The following KTN1 variants were observed in gnomAD, a reference collection of about 807,000 sequenced individuals.
The protein encoded by KTN1 is kinectin.
KTN1 carries 130 observed loss-of-function variants against 222.5 expected under a neutral mutation model. The observed-to-expected ratio is 0.58, with a 90% CI of 0.51 to 0.68. KTN1 has a LOEUF of 0.68. Ranked by LOEUF, KTN1 falls within the 30% of genes least tolerant of loss-of-function variation. KTN1 has a pLI of 0.00. For synonymous variants in KTN1, 512 were observed against 496.3 expected, an observed-to-expected ratio of 1.03 and a Z score of -0.42; for missense variants, 1,508 against 1,500.4, an observed-to-expected ratio of 1.01 and a Z score of -0.08.
At position 55,631,341 on chromosome 14, in the gene KTN1, G is replaced by GAGATAGATATATATATATATAT. The variant is rs71448461; in HGVS notation, c.1221+1245_1221+1246insGATAGATATATATATATATATA. 5.6e-4 allele frequency among the ~76,000 whole-genome samples: 64 copies of GAGATAGATATATATATATATAT among 114,690 alleles called. 1 individual carries two copies. The highest frequency in any genetic ancestry group is 8.5e-4 in the Non-Finnish European group (49 of 57,830). 75.2% of individuals were successfully genotyped at this position (114,690 alleles called of 152,430 possible). On this transcript the variant is annotated intron_variant, in intron 7 of 43. Coordinates refer to ENST00000395314, the MANE Select transcript of KTN1 (RefSeq NM_001079521.2). ...CTAAAACTCACCTATTGATAAGGTTGATATATATATATATATATATATATA... is the reference window on the plus strand; with the variant it reads ...CTAAAACTCACCTATTGATAAGGTTGAGATAGATATATATATATATATATATATATATATATATATATATATA...
chr14:55,673,309 G>T, intron 40 of KTN1, 54 bp downstream of exon 40: 1 of 1,141,038 alleles, frequency 8.8e-7, no homozygotes, highest in South Asian at 1.3e-5. Flanking sequence ...ACACTTTATT[G>T]ACATGTGGAG....
At chr14:55,679,999 T>C (rs1250274888) in intron 43 of KTN1, 6 of 277,452 alleles carry the variant, frequency 2.2e-5, no homozygotes, top group Non-Finnish European at 4.0e-5. Context: ...TATTCTGTTC[T>C]TAGTTTAGAG....
At chr14:55,623,312 ATGATAAATG>A (rs1275720550) in intron 5 of KTN1, among the ~76,000 whole-genome samples, 1 of 152,278 alleles carries the variant, frequency 6.6e-6, no homozygotes, top group Non-Finnish European at 1.5e-5. Flanking sequence ...ATCAGTAAAT[ATGATAAATG>A]TGACTTTAAA....
At chr14:55,622,424 C>T (rs1311892180) in intron 5 of KTN1, among the ~76,000 whole-genome samples, 2 of 152,144 alleles carry the variant, frequency 1.3e-5, no homozygotes, top group Admixed American at 6.5e-5. Flanking sequence ...ATAAAAACCC[C>T]ATGCAGCCAA....
chr14:55,634,466 G>T (rs1000929676), intron 8 of KTN1, 60 bp from the exon 9 acceptor site: 69 of 1,462,014 alleles, frequency 4.7e-5, no homozygotes, highest in Non-Finnish European at 6.1e-5. Context: ...AGTATGTTTT[G>T]TTTATTTCTT....
intron 5 of KTN1, among the ~76,000 whole-genome samples, chr14:55,622,833 T>C (rs971667542): frequency 6.6e-6 from 1 of 152,226 alleles, no homozygotes; most frequent in Non-Finnish European, 1.5e-5. Context: ...TTGGTGTTTT[T>C]CTCTTTTGTA....
intron 6 of KTN1, among the ~76,000 whole-genome samples, chr14:55,628,804 A>G (rs1024210567): frequency 6.6e-6 from 1 of 152,254 alleles, no homozygotes; most frequent in African/African-American, 2.4e-5. Flanking sequence ...TTTTGTGACT[A>G]TATGACTATA....
chr14:55,581,004 T>G (rs1310548638), intron 1 of KTN1, among the ~76,000 whole-genome samples: 1 of 152,232 alleles, frequency 6.6e-6, no homozygotes, highest in African/African-American at 2.4e-5. Flanking sequence ...GAAAAATCCA[T>G]GGACCACTCT....
chr14:55,662,140 C>A, intron 32 of KTN1, among the ~76,000 whole-genome samples: 1 of 149,760 alleles, frequency 6.7e-6, no homozygotes, highest in Non-Finnish European at 1.5e-5. Context: ...GAACTTGGCT[C>A]ACTGCAAACT....
At chr14:55,580,877 C>G (rs2031342741) in intron 1 of KTN1, among the ~76,000 whole-genome samples, 1 of 152,192 alleles carries the variant, frequency 6.6e-6, no homozygotes, top group Non-Finnish European at 1.5e-5. Context: ...TCGCCGCTGC[C>G]TCCGGCGGTC....
chr14:55,583,300 C>G (rs2032159803), intron 1 of KTN1, among the ~76,000 whole-genome samples: 2 of 151,954 alleles, frequency 1.3e-5, no homozygotes, highest in Admixed American at 1.3e-4. Flanking sequence ...ATGGTACAAG[C>G]TTTTAATTGG....
chr14:55,596,159 A>C (rs1047503229), intron 1 of KTN1, among the ~76,000 whole-genome samples: 4 of 150,970 alleles, frequency 2.6e-5, no homozygotes, highest in African/African-American at 9.7e-5. Flanking sequence ...AATAGCAAAA[A>C]AAAAAAAAAA....
intron 1 of KTN1, among the ~76,000 whole-genome samples, chr14:55,593,446 C>CCA (rs1555357160): frequency 0.013 from 1,565 of 120,460 alleles, 31 homozygotes; most frequent in Non-Finnish European, 0.02. Context: ...ACCCCCCCCC[C>CCA]AAAAAAAAAA....
intron 27 of KTN1, 78 bp from the exon 28 acceptor site, chr14:55,653,481 G>A: frequency 9.4e-7 from 1 of 1,066,338 alleles, no homozygotes; most frequent in Non-Finnish European, 1.4e-6. Context: ...ATTGGTGGGT[G>A]ATTCCATATA....
chr14:55,605,522 C>G (rs1466184088), intron 1 of KTN1, among the ~76,000 whole-genome samples: 6 of 152,092 alleles, frequency 3.9e-5, no homozygotes, highest in African/African-American at 1.4e-4. Context: ...CTCTGGGCAC[C>G]ACCAGCTGGG....
chr14:55,655,089 A>G (rs1296170333), intron 28 of KTN1, among the ~76,000 whole-genome samples: 1 of 152,066 alleles, frequency 6.6e-6, no homozygotes, highest in African/African-American at 2.4e-5. Context: ...CCTGGGCTCA[A>G]GCGATCCTCC....
At chr14:55,679,924 C>G (rs2046218879) in intron 43 of KTN1, 1 of 451,458 alleles carries the variant, frequency 2.2e-6, no homozygotes, top group Non-Finnish European at 3.9e-6. Context: ...CAAACAGACT[C>G]TCTTGTAACT....
chr14:55,684,147 AT>A lies in KTN1; in HGVS notation c.*46del. ...CATTTGAGGATAAAAAAGGCATTGTATTATATTTTGCCAAATTAAAGCCTTA... is the reference window on the plus strand; with the variant it reads ...CATTTGAGGATAAAAAAGGCATTGTATATATTTTGCCAAATTAAAGCCTTA... On this transcript the variant is annotated 3_prime_UTR_variant, in exon 44 of 44. Transcript: ENST00000395314. 6.5e-7 allele frequency: 1 copy of A among 1,541,002 alleles called. No homozygotes were observed.
chr14:55,653,568 G>A lies in KTN1; in HGVS notation c.2773G>A (p.Ala925Thr). 6.2e-7 allele frequency: 1 copy of A among 1,610,152 alleles called. No homozygotes were observed. Among genetic ancestry groups the A allele is most frequent in the East Asian group, 2.2e-5 (1 of 44,680 alleles). The change falls in exon 28 of 44, where the codon GCA becomes ACA. Residue 925 changes from alanine to threonine, a missense_variant. Physicochemically the swap from Ala to Thr is moderately conservative, Grantham distance 58. Transcript: ENST00000395314. ...TGATTCTGTTTCTCAGGCCTCTTCT[G>A]CATCACAGTTTGAAGAACTTGAGAT... The part of the protein sequence containing the change: ...AQHNLKEASS[A>T]SQFEELEIVL...
Sources: allele counts gnomAD v4.1 joint callset (sites outside exome capture counted in the v4.1 genomes callset), GRCh38; gene constraint gnomAD v4.1.1; transcripts MANE v1.5; gene names NCBI Gene and HGNC (gene_info 2026-07-23, HGNC 2026-07-21).